Variants in DNAAF9 observed in about 807,000 individuals in gnomAD.
The protein encoded by DNAAF9 is dynein axonemal assembly factor 9, also known as shulin.
In DNAAF9, 90 loss-of-function variants were observed where a neutral mutation model predicts 167.0. The observed-to-expected ratio is 0.54, with a 90% CI of 0.45 to 0.64. The LOEUF (loss-of-function observed/expected upper bound fraction) is 0.64, where lower values mean the gene tolerates loss of function less well. Among genes scored for constraint, DNAAF9 ranks in the 30% least tolerant of loss-of-function variants. The probability of loss-of-function intolerance (pLI) is 0.00; values close to 1 mark genes in which losing one functional copy is unlikely to be tolerated. For missense variants in DNAAF9, 1,315 were observed against 1,442.2 expected, an observed-to-expected ratio of 0.91 and a Z score of 1.43; for synonymous variants, 491 against 508.8, an observed-to-expected ratio of 0.96 and a Z score of 0.47.
chr20:3,406,547 C>A (rs2084057516), intron 1 of DNAAF9, among the ~76,000 whole-genome samples: 1 of 152,144 alleles, frequency 6.6e-6, no homozygotes, highest in Non-Finnish European at 1.5e-5. Flanking sequence ...GCGCCCCACA[C>A]CAGCTCCATC....
chr20:3,341,160 C>T (rs6051764), intron 9 of DNAAF9, among the ~76,000 whole-genome samples: 31,195 of 151,906 alleles, frequency 0.21, 3,511 homozygotes, highest in African/African-American at 0.28. Context: ...CTTGGCTGAA[C>T]TTTTCCTCTC....
rs774269214 is a variant in DNAAF9 at position 3,298,080 on chromosome 20, C to T, written c.1878G>A (p.Leu626=). 5 of 1,613,016 alleles carry T rather than the reference C, an allele frequency of 3.1e-6. No homozygotes were observed. In the African/African-American group the frequency reaches 5.3e-5, roughly 17 times the overall value. ...TCGATTTGGGGAAAAGGGCAATCAT[C>T]AGAAAATTGCTTGATCCATGGAAAT... The part of the protein sequence containing the change: ...PVHFHGSSNF[L]MIALFPKSKI... Residue 626 remains leucine (L), a synonymous_variant, in exon 22 of 37, where the codon CTG becomes CTA. Transcript: ENST00000252032.
In DNAAF9 at chr20:3,372,423, C is replaced by T. The variant is rs77102267; in HGVS notation, c.612+1625G>A. ...GGGACCTAGAGAAGACCTATAGTAA[C>T]TCTTCCTTTATGATGTGTACCATTT... On this transcript the variant is annotated intron_variant, in intron 6 of 36. Transcript: ENST00000252032. Among the ~76,000 whole-genome samples, 827 of 152,348 alleles carry T rather than the reference C, an allele frequency of 5.4e-3. 2 individuals carry two copies. The highest frequency in any genetic ancestry group is 6.8e-3 in the Middle Eastern group (2 of 294).
intron 17 of DNAAF9, among the ~76,000 whole-genome samples, chr20:3,317,755 C>T (rs1371814928): frequency 2.6e-5 from 4 of 152,020 alleles, no homozygotes; most frequent in African/African-American, 9.7e-5. Flanking sequence ...CACCACCATG[C>T]CCGGCTAATT....
At chr20:3,364,188 T>C (rs564196261) in intron 6 of DNAAF9, among the ~76,000 whole-genome samples, 1 of 152,348 alleles carries the variant, frequency 6.6e-6, no homozygotes, top group East Asian at 1.9e-4. Flanking sequence ...ACTGTTTTAA[T>C]GTCCTTTTCT....
chr20:3,344,590 TACACACACACACACACACACACACAC>T (rs4053351), intron 8 of DNAAF9, among the ~76,000 whole-genome samples: 17 of 144,638 alleles, frequency 1.2e-4, no homozygotes, highest in African/African-American at 4.0e-4. Context: ...TACACACACA[TACACACACACACACACACACACACAC>T]ACACACACAC....
intron 7 of DNAAF9, 122 bp from the exon 8 acceptor site, chr20:3,348,745 A>C (rs2070249331): frequency 1.8e-6 from 1 of 550,354 alleles, no homozygotes; most frequent in Non-Finnish European, 3.2e-6. Context: ...TTATTTTACA[A>C]GGTAGTAGCA....
chr20:3,298,544 TC>T (rs2069124659), intron 21 of DNAAF9, among the ~76,000 whole-genome samples: 1 of 152,066 alleles, frequency 6.6e-6, no homozygotes, highest in Non-Finnish European at 1.5e-5. Flanking sequence ...GGTCTCAAAC[TC>T]CTGGTCTCAA....
intron 10 of DNAAF9, among the ~76,000 whole-genome samples, chr20:3,336,575 G>A (rs2069955220): frequency 6.6e-6 from 1 of 152,032 alleles, no homozygotes; most frequent in Non-Finnish European, 1.5e-5. Flanking sequence ...TTGAGATGGA[G>A]TTTCGCTCTT....
chr20:3,395,093 A>G (rs1380958321), intron 1 of DNAAF9, among the ~76,000 whole-genome samples: 2 of 144,510 alleles, frequency 1.4e-5, no homozygotes. Flanking sequence ...TCAGCCTCCC[A>G]TGTAGCTGGG....
rs1292640589 is a variant in DNAAF9 at position 3,298,085 on chromosome 20, A to T, written c.1873T>A (p.Phe625Ile). 1.9e-6 allele frequency: 3 copies of T among 1,612,876 alleles called. No homozygotes were observed. Among genetic ancestry groups the T allele is most frequent in the Non-Finnish European group, 2.5e-6 (3 of 1,178,934 alleles). Residue 625 changes from phenylalanine to isoleucine, a missense_variant, in exon 22 of 37, where the codon TTT becomes ATT. Phe to Ile is a conservative substitution (Grantham distance 21, BLOSUM62 0). Around this residue, in one of 2 missense-constraint regions of DNAAF9, gnomAD observed 981 missense variants for 1,012.5 expected, o/e 0.97. Coordinates refer to ENST00000252032, the MANE Select transcript of DNAAF9 (RefSeq NM_001009984.3). ...TTGGGGAAAAGGGCAATCATCAGAA[A>T]ATTGCTTGATCCATGGAAATGAACT... Reference protein sequence around the residue: ...LPVHFHGSSNFLMIALFPKSK... With the variant: ...LPVHFHGSSNILMIALFPKSK...
In DNAAF9 at chr20:3,255,270, T is replaced by C. The variant is rs2281496; in HGVS notation, c.3276A>G (p.Lys1092=). Residue 1092 remains lysine (K), a synonymous_variant, in exon 35 of 37, where the codon AAA becomes AAG. Transcript: ENST00000252032. ...RQSAKQKPQR[K]ALKTRGMLTQ... is the part of the protein sequence containing the mutation. ...TCAGCATCCCCCTGGTCTTCAGGGCTTTCCTCTGAGGCTTCTGCAGAGATG... is the reference window on the plus strand; with the variant it reads ...TCAGCATCCCCCTGGTCTTCAGGGCCTTCCTCTGAGGCTTCTGCAGAGATG... The C allele has an allele frequency of 0.014, 22,394 of 1,549,838 alleles. 1,266 individuals are homozygous for C. The East Asian group carries it at 0.16, about 11-fold the overall frequency.
Position 3,252,487 on chromosome 20 carries a change from G to T in DNAAF9, c.*85C>A. The T allele has an allele frequency of 1.3e-6, 1 of 778,666 alleles. No individual in the cohort carries two copies. The highest frequency in any genetic ancestry group is 2.4e-5 in the East Asian group (1 of 40,886). The allele number at this position is 778,666 out of a possible 1,614,324, so 48.2% of individuals were successfully genotyped here. A position where few individuals can be genotyped will look rare whatever the true frequency, so the allele number is the denominator to read the frequency against. ...AACAAAGACAGCCCCTTAAGGGAGAGGCCTCCAGCAGAGCTGAGGTTAAGA... is the reference window on the plus strand; with the variant it reads ...AACAAAGACAGCCCCTTAAGGGAGATGCCTCCAGCAGAGCTGAGGTTAAGA... On this transcript the variant is annotated 3_prime_UTR_variant, in exon 37 of 37. Transcript: ENST00000252032.
Position 3,396,022 on chromosome 20 carries a change from T to C in DNAAF9, c.83+11453A>G, listed in dbSNP as rs138825956. Among the ~76,000 whole-genome samples, 1,269 of 152,278 alleles carry C rather than the reference T, an allele frequency of 8.3e-3. 13 individuals carry two copies. Among genetic ancestry groups the C allele is most frequent in the Non-Finnish European group, 0.012 (786 of 68,030 alleles). On this transcript the variant is annotated intron_variant, in intron 1 of 36. Coordinates refer to ENST00000252032, the MANE Select transcript of DNAAF9 (RefSeq NM_001009984.3). ...ATAAGTCCCATGAGATCTGATGGTT[T>C]TAAAAATGGCAGTTTCCCTGCACAA...
intron 7 of DNAAF9, among the ~76,000 whole-genome samples, chr20:3,349,164 G>C (rs1051419181): frequency 4.5e-5 from 6 of 134,080 alleles, no homozygotes; most frequent in African/African-American, 1.4e-4. Flanking sequence ...AGACCAGCTT[G>C]GGCAACATGA....
chr20:3,307,375 C>T (rs1311374982), intron 20 of DNAAF9, among the ~76,000 whole-genome samples: 1 of 152,158 alleles, frequency 6.6e-6, no homozygotes, highest in Admixed American at 6.5e-5. Flanking sequence ...CCATTATTCT[C>T]AGAGCACACA....
chr20:3,291,562 C>T (rs867527895), intron 25 of DNAAF9, among the ~76,000 whole-genome samples: 2 of 152,014 alleles, frequency 1.3e-5, no homozygotes, highest in South Asian at 2.1e-4. Flanking sequence ...CCAGGATGGT[C>T]TCAATCTCTT....
At chr20:3,396,547 T>C (rs1488305666) in intron 1 of DNAAF9, among the ~76,000 whole-genome samples, 6 of 152,260 alleles carry the variant, frequency 3.9e-5, no homozygotes, top group Non-Finnish European at 7.4e-5. Flanking sequence ...ACTTGTCATA[T>C]GGTGGTAAGT....
rs560220545 is a variant in DNAAF9 at position 3,402,536 on chromosome 20, A to G, written c.83+4939T>C. 6.6e-5 allele frequency among the ~76,000 whole-genome samples: 10 copies of G among 152,132 alleles called. No individual in the cohort carries two copies. In the East Asian group the frequency reaches 1.5e-3, roughly 24 times the overall value. ...ATCAACATCTCCCCATCCCCGCTACATCCTAATTACCACCATTCTACTCTC... is the reference window on the plus strand; with the variant it reads ...ATCAACATCTCCCCATCCCCGCTACGTCCTAATTACCACCATTCTACTCTC... On this transcript the variant is annotated intron_variant, in intron 1 of 36. Transcript: ENST00000252032.
Sources: allele counts gnomAD v4.1 joint callset (sites outside exome capture counted in the v4.1 genomes callset), GRCh38; gene constraint gnomAD v4.1.1; regional missense constraint gnomAD v4.1.1; transcripts MANE v1.5; gene names NCBI Gene and HGNC (gene_info 2026-07-23, HGNC 2026-07-21).